MAPK10: variants seen among roughly 807,000 people sequenced by gnomAD.
The protein encoded by MAPK10 is mitogen-activated protein kinase 10.
Under a neutral mutation model 59.3 loss-of-function variants are expected in MAPK10, and 25 were observed. The ratio of observed to expected loss-of-function variants is 0.42; its 90% confidence interval spans 0.31 to 0.59. The LOEUF (loss-of-function observed/expected upper bound fraction) is 0.59. MAPK10 is among the 20% of genes least tolerant of loss of function. The pLI, the probability that MAPK10 is intolerant of heterozygous loss-of-function variation, is 0.15. For missense variants in MAPK10, 351 were observed against 568.9 expected (o/e 0.62, Z 3.90); for synonymous variants, 190 against 200.5 (o/e 0.95, Z 0.44).
rs982537327 is a variant in MAPK10 at position 86,329,047 on chromosome 4, T to C, written c.-7+25483A>G. On this transcript the variant is annotated intron_variant, in intron 2 of 13. Transcript: ENST00000641462. Reference sequence around the variant, plus strand: ...AATAAAATAAAAAAGAGGCTTCCTATAGTATTCACCTAGCTTGCCCTTCTA... The same window carrying C: ...AATAAAATAAAAAAGAGGCTTCCTACAGTATTCACCTAGCTTGCCCTTCTA... 3.9e-5 allele frequency among the ~76,000 whole-genome samples: 6 copies of C among 152,248 alleles called. No homozygotes were observed. In the South Asian group the frequency reaches 8.3e-4, roughly 21 times the overall value.
chr4:86,264,943 G>A (rs2094169129), intron 2 of MAPK10, among the ~76,000 whole-genome samples: 1 of 142,256 alleles, frequency 7.0e-6, no homozygotes, highest in Non-Finnish European at 1.5e-5. Context: ...CCCAGGTGGA[G>A]TGCAGTGGAG....
intron 2 of MAPK10, among the ~76,000 whole-genome samples, chr4:86,239,801 A>C (rs1563463824): frequency 1.3e-5 from 2 of 151,774 alleles, no homozygotes; most frequent in Non-Finnish European, 2.9e-5. Context: ...AAAAAAAAAA[A>C]AACAGATCCT....
intron 4 of MAPK10, among the ~76,000 whole-genome samples, chr4:86,153,333 T>A (rs532053869): frequency 2.5e-4 from 38 of 152,360 alleles, no homozygotes; most frequent in Admixed American, 2.0e-3. Context: ...TGACTATTTT[T>A]CAAATCTGCC....
chr4:86,016,623 A>G lies in MAPK10; in HGVS notation c.*605T>C, dbSNP rs1190155666. 1 of 152,940 alleles carries G rather than the reference A, an allele frequency of 6.5e-6. No homozygotes were observed. The allele number at this position is 152,940 out of a possible 1,614,324, so 9.5% of individuals were successfully genotyped here. A position where few individuals can be genotyped will look rare whatever the true frequency, so the allele number is the denominator to read the frequency against. On this transcript the variant is annotated 3_prime_UTR_variant, in exon 14 of 14. Coordinates refer to ENST00000641462, the MANE Select transcript of MAPK10 (RefSeq NM_138982.4). Reference sequence around the variant, plus strand: ...AATCAATTAACAAACTAAACAGCTTATATACTGGCAATATATTACAGATGG... The same window carrying G: ...AATCAATTAACAAACTAAACAGCTTGTATACTGGCAATATATTACAGATGG...
At chr4:86,484,378 C>T (rs1011115568) in intron 1 of MAPK10, among the ~76,000 whole-genome samples, 9 of 152,198 alleles carry the variant, frequency 5.9e-5, no homozygotes, top group East Asian at 5.8e-4. Flanking sequence ...CAGCTAAGAA[C>T]GGAGGCAAGC....
intron 1 of MAPK10, among the ~76,000 whole-genome samples, chr4:86,524,663 C>T (rs957969384): frequency 6.6e-6 from 1 of 152,150 alleles, no homozygotes; most frequent in African/African-American, 2.4e-5. Context: ...TCTTCCTAAA[C>T]ATGTTTCTGG....
chr4:86,045,891 A>G (rs1052301923), intron 11 of MAPK10, among the ~76,000 whole-genome samples: 20 of 151,358 alleles, frequency 1.3e-4, no homozygotes, highest in Admixed American at 4.0e-4. Flanking sequence ...TAATCACTCC[A>G]AGCAGCCTTC....
chr4:86,529,494 T>C (rs1191386897), intron 1 of MAPK10, among the ~76,000 whole-genome samples: 1 of 152,180 alleles, frequency 6.6e-6, no homozygotes, highest in African/African-American at 2.4e-5. Context: ...ATAAAGCACA[T>C]CAGGAAGTCT....
intron 2 of MAPK10, among the ~76,000 whole-genome samples, chr4:86,308,182 T>C (rs1012494893): frequency 1.3e-5 from 2 of 152,136 alleles, no homozygotes; most frequent in African/African-American, 4.8e-5. Flanking sequence ...AATTTCAGAA[T>C]AGAGGTTAAG....
intron 3 of MAPK10, among the ~76,000 whole-genome samples, chr4:86,170,618 A>T (rs2073819521): frequency 6.6e-6 from 1 of 152,110 alleles, no homozygotes. Context: ...CCCACACAAT[A>T]ATAATGGGAG....
intron 2 of MAPK10, among the ~76,000 whole-genome samples, chr4:86,341,784 A>T (rs1725057330): frequency 6.6e-6 from 1 of 150,824 alleles, no homozygotes; most frequent in Non-Finnish European, 1.5e-5. Flanking sequence ...AAAAGAGAAG[A>T]CATGATGACA....
rs77685046 is a variant in MAPK10 at position 86,307,554 on chromosome 4, A to G, written c.-7+46976T>C. 2.6e-3 allele frequency among the ~76,000 whole-genome samples: 396 copies of G among 152,298 alleles called. 2 individuals are homozygous for G. The highest frequency in any genetic ancestry group is 8.9e-3 in the African/African-American group (371 of 41,562). ...AGAAAGAGTTAGTGGTGTGAGACAG[A>G]CATATGCAGGCAAATAAGATTTTAA... On this transcript the variant is annotated intron_variant, in intron 2 of 13. Transcript: ENST00000641462.
intron 2 of MAPK10, among the ~76,000 whole-genome samples, chr4:86,239,081 CT>C (rs2092514433): frequency 6.6e-6 from 1 of 152,092 alleles, no homozygotes; most frequent in Non-Finnish European, 1.5e-5. Flanking sequence ...TATTAAAGGC[CT>C]TTTCTGCATC....
In MAPK10 at chr4:86,507,615, G is replaced by GATAT. The variant is rs767683551; in HGVS notation, c.-263+86291_-263+86294dup. Among the ~76,000 whole-genome samples the GATAT allele has an allele frequency of 3.1e-3, 109 of 35,608 alleles. 2 individuals carry two copies. Among genetic ancestry groups the GATAT allele is most frequent in the Non-Finnish European group, 3.4e-3 (67 of 19,426 alleles). The allele number at this position is 35,608 out of a possible 152,430, so 23.4% of individuals were successfully genotyped here. A position where few individuals can be genotyped will look rare whatever the true frequency, so the allele number is the denominator to read the frequency against. On this transcript the variant is annotated intron_variant, in intron 1 of 4. Transcript: ENST00000502302. ...TTACTATTAAAAAGAATAAACTGGA[G>GATAT]ATATATATATATATATATATATATA...
At position 86,550,374 on chromosome 4, in the gene MAPK10, TAAAAAAAAAAA is replaced by T. The variant is rs753508493; in HGVS notation, c.-263+43525_-263+43535del. 4.9e-3 allele frequency among the ~76,000 whole-genome samples: 377 copies of T among 77,368 alleles called. 4 individuals carry two copies. Among genetic ancestry groups the T allele is most frequent in the African/African-American group, 0.015 (210 of 14,110 alleles). The allele number at this position is 77,368 out of a possible 152,430, so 50.8% of individuals were successfully genotyped here. A position where few individuals can be genotyped will look rare whatever the true frequency, so the allele number is the denominator to read the frequency against. ...CAGAAGGGCTAAGCAGAGCTTCAGTTAAAAAAAAAAAAAAAAAAAAAAAAAAAAAAAAAAAA... is the reference window on the plus strand; with the variant it reads ...CAGAAGGGCTAAGCAGAGCTTCAGTTAAAAAAAAAAAAAAAAAAAAAAAAA... On this transcript the variant is annotated intron_variant, in intron 1 of 4. Coordinates refer to the MAPK10 transcript ENST00000502302.
intron 4 of MAPK10, chr4:86,151,870 C>T (rs1373661022): frequency 6.6e-6 from 1 of 152,186 alleles, no homozygotes; most frequent in African/African-American, 2.4e-5. Context: ...TTTAACATCC[C>T]AGATGTATTA....
chr4:86,156,469 C>A (rs765487128), intron 4 of MAPK10, among the ~76,000 whole-genome samples: 11 of 152,016 alleles, frequency 7.2e-5, no homozygotes, highest in African/African-American at 1.4e-4. Flanking sequence ...TGGTGTGTAA[C>A]ACCACCAAGA....
At chr4:86,351,916 C>T (rs557337101) in intron 2 of MAPK10, among the ~76,000 whole-genome samples, 5 of 152,084 alleles carry the variant, frequency 3.3e-5, no homozygotes, top group East Asian at 3.9e-4. Flanking sequence ...TCACAAAAGA[C>T]GAAAATCAAA....
chr4:86,571,247 A>T (rs908194755), intron 1 of MAPK10, among the ~76,000 whole-genome samples: 1 of 148,772 alleles, frequency 6.7e-6, no homozygotes, highest in African/African-American at 2.5e-5. Flanking sequence ...AATCTTTGCA[A>T]TGATATCCAA....
Sources: allele counts gnomAD v4.1 joint callset (sites outside exome capture counted in the v4.1 genomes callset), GRCh38; gene constraint gnomAD v4.1.1; transcripts MANE v1.5; gene names NCBI Gene and HGNC (gene_info 2026-07-23, HGNC 2026-07-21).